The following SRPK1 variants were observed in gnomAD, a reference collection of about 807,000 sequenced individuals.
SRPK1 encodes SFRS protein kinase 1.
Under a neutral mutation model 89.5 loss-of-function variants are expected in SRPK1, and 52 were observed. That is an observed-to-expected ratio of 0.58 (90% CI 0.46 to 0.73). SRPK1 has a LOEUF of 0.73. SRPK1 is among the 30% of genes least tolerant of loss of function. The pLI is 0.00. For synonymous variants in SRPK1, 255 were observed against 270.2 expected (o/e 0.94, Z 0.55); for missense variants, 603 against 780.6 (o/e 0.77, Z 2.71).
intron 15 of SRPK1, 138 bp downstream of exon 15, chr6:35,838,199 C>CT: frequency 3.1e-6 from 2 of 649,424 alleles, no homozygotes; most frequent in Non-Finnish European, 4.8e-6. Context: ...TTTTTTACCT[C>CT]TTTTTTATCT....
chr6:35,905,166 A>G (rs1245615045), intron 2 of SRPK1, among the ~76,000 whole-genome samples: 2 of 152,120 alleles, frequency 1.3e-5, no homozygotes, highest in East Asian at 3.9e-4. Context: ...AAAACAGACA[A>G]ACAAAAGTTG....
At chr6:35,836,754 C>CAATAATAAT (rs10540061) in intron 15 of SRPK1, among the ~76,000 whole-genome samples, 3,150 of 143,360 alleles carry the variant, frequency 0.022, 101 homozygotes, top group African/African-American at 0.069. Flanking sequence ...TACCCTGTCT[C>CAATAATAAT]AATAATAATA....
chr6:35,842,141 A>C (rs1769323830), intron 14 of SRPK1, among the ~76,000 whole-genome samples: 1 of 152,234 alleles, frequency 6.6e-6, no homozygotes, highest in Admixed American at 6.5e-5. Flanking sequence ...TAGTCTCTGC[A>C]TTCAAGTAGT....
chr6:35,920,384 G>C (rs1480853748), intron 2 of SRPK1, 84 bp downstream of exon 2: 2 of 1,510,954 alleles, frequency 1.3e-6, no homozygotes, highest in Non-Finnish European at 1.8e-6. Context: ...GCCCAAACCC[G>C]GTGCACGTTC....
At chr6:35,913,969 CTTTTTT>C (rs545555860) in intron 2 of SRPK1, among the ~76,000 whole-genome samples, 11 of 92,940 alleles carry the variant, frequency 1.2e-4, no homozygotes, top group South Asian at 4.7e-4. Flanking sequence ...GATACTTTCT[CTTTTTT>C]TTTTTTTTTT....
At chr6:35,889,600 C>G (rs1250054818) in intron 3 of SRPK1, among the ~76,000 whole-genome samples, 2 of 151,730 alleles carry the variant, frequency 1.3e-5, no homozygotes, top group Non-Finnish European at 2.9e-5. Flanking sequence ...GACTGGCCAA[C>G]ATGGTAAAAC....
In SRPK1 at chr6:35,881,428, TATAGATATAG is replaced by T. The variant is rs1582015208; in HGVS notation, c.478+5286_478+5295del. Among the ~76,000 whole-genome samples the T allele has an allele frequency of 3.1e-4, 4 of 13,010 alleles. 1 individual carries two copies. The highest frequency in any genetic ancestry group is 2.2e-3 in the Admixed American group (4 of 1,836). The allele number at this position is 13,010 out of a possible 152,430, so 8.5% of individuals were successfully genotyped here. On this transcript the variant is annotated intron_variant, in intron 6 of 15. Coordinates refer to ENST00000373825, the MANE Select transcript of SRPK1 (RefSeq NM_003137.5). ...TAACTTTGGTTTGGTAGAATACACA[TATAGATATAG>T]ATATAGATATAGATATAGATATAGA...
chr6:35,872,418 G>A, intron 8 of SRPK1, 145 bp downstream of exon 8: 1 of 738,980 alleles, frequency 1.4e-6, no homozygotes, highest in Non-Finnish European at 2.0e-6. Flanking sequence ...GTAACAGTGA[G>A]AATGTCTCTT....
chr6:35,868,228 C>T (rs1769950411), intron 12 of SRPK1, among the ~76,000 whole-genome samples: 1 of 152,154 alleles, frequency 6.6e-6, no homozygotes, highest in Non-Finnish European at 1.5e-5. Flanking sequence ...ATGTGATCCG[C>T]CAGCCTCCGC....
chr6:35,879,718 A>G (rs1314296989), intron 6 of SRPK1, among the ~76,000 whole-genome samples: 1 of 152,234 alleles, frequency 6.6e-6, no homozygotes, highest in Non-Finnish European at 1.5e-5. Flanking sequence ...ATCAACAGAT[A>G]CTGTCCCTGA....
intron 6 of SRPK1, among the ~76,000 whole-genome samples, chr6:35,885,067 A>G (rs1770373452): frequency 6.6e-6 from 1 of 152,124 alleles, no homozygotes; most frequent in African/African-American, 2.4e-5. Context: ...GGGTCAAATA[A>G]AGGTACTCAG....
rs115306057 is a variant in SRPK1, at chr6:35,853,150, C to T, written c.1620+4111G>A. On this transcript the variant is annotated intron_variant, in intron 13 of 15. Transcript: ENST00000373825. ...AGGCATGTGCCCATATACTCGTTGG[C>T]GGGGGGAAGGGGCAGGGCACTGAGG... Among the ~76,000 whole-genome samples, 967 of 151,816 alleles carry T rather than the reference C, an allele frequency of 6.4e-3. 3 individuals are homozygous for T. The highest frequency in any genetic ancestry group is 0.011 in the Non-Finnish European group (727 of 67,920).
intron 2 of SRPK1, among the ~76,000 whole-genome samples, chr6:35,911,675 C>G (rs1186876659): frequency 6.6e-6 from 1 of 151,964 alleles, no homozygotes; most frequent in Non-Finnish European, 1.5e-5. Context: ...AAGCAATCCT[C>G]CCATCTCGGC....
chr6:35,843,337 A>T (rs940212263), intron 13 of SRPK1, among the ~76,000 whole-genome samples: 2 of 144,386 alleles, frequency 1.4e-5, no homozygotes, highest in Non-Finnish European at 3.0e-5. Context: ...AAAAAATCAA[A>T]AAAAAAAAAA....
At chr6:35,912,461 T>C (rs1179771658) in intron 2 of SRPK1, among the ~76,000 whole-genome samples, 3 of 152,326 alleles carry the variant, frequency 2.0e-5, no homozygotes, top group African/African-American at 7.2e-5. Flanking sequence ...TATTTTTAAA[T>C]TAAGGTCTGT....
At chr6:35,876,292 C>A (rs1281272758) in intron 6 of SRPK1, among the ~76,000 whole-genome samples, 1 of 152,164 alleles carries the variant, frequency 6.6e-6, no homozygotes, top group East Asian at 1.9e-4. Flanking sequence ...TAGTAGAAGT[C>A]TAAAATGGTA....
chr6:35,909,977 C>A (rs1240144299), intron 2 of SRPK1, among the ~76,000 whole-genome samples: 1 of 151,896 alleles, frequency 6.6e-6, no homozygotes, highest in Non-Finnish European at 1.5e-5. Context: ...TTAATACAAG[C>A]CTCATTTCTT....
intron 2 of SRPK1, among the ~76,000 whole-genome samples, chr6:35,900,301 C>T (rs920345937): frequency 6.6e-6 from 1 of 152,128 alleles, no homozygotes; most frequent in Non-Finnish European, 1.5e-5. Flanking sequence ...ATATGTTATT[C>T]CTGTGGTTAA....
intron 14 of SRPK1, among the ~76,000 whole-genome samples, chr6:35,841,661 G>A (rs1160577515): frequency 6.6e-6 from 1 of 151,726 alleles, no homozygotes; most frequent in Non-Finnish European, 1.5e-5. Context: ...GTGAAACCCC[G>A]TCTCTACTAA....
Sources: allele counts gnomAD v4.1 joint callset (sites outside exome capture counted in the v4.1 genomes callset), GRCh38; gene constraint gnomAD v4.1.1; transcripts MANE v1.5; gene names NCBI Gene and HGNC (gene_info 2026-07-23, HGNC 2026-07-21).